UNC79: variants seen among roughly 807,000 people sequenced by gnomAD.
UNC79 encodes the protein unc-79 subunit of NALCN channel complex.
In UNC79, 37 loss-of-function variants were observed where a neutral mutation model predicts 283.1. The ratio of observed to expected loss-of-function variants is 0.13; its 90% CI spans 0.10 to 0.17. The LOEUF is 0.17. UNC79 is among the 10% of genes least tolerant of loss of function. UNC79 has a pLI of 1.00. For synonymous variants in UNC79, 1,107 were observed against 1,200.2 expected (o/e 0.92, Z 1.61); for missense variants, 2,272 against 3,211.1 (o/e 0.71, Z 7.07).
At chr14:93,354,565 G>T (rs893955652) in intron 1 of UNC79, among the ~76,000 whole-genome samples, 1 of 152,078 alleles carries the variant, frequency 6.6e-6, no homozygotes, top group African/African-American at 2.4e-5. Context: ...TGGTGCTATC[G>T]TGGCTTACTG....
chr14:93,668,766 C>T (rs2072491440), intron 40 of UNC79, among the ~76,000 whole-genome samples: 1 of 150,986 alleles, frequency 6.6e-6, no homozygotes, highest in African/African-American at 2.4e-5. Context: ...ATTGCTTAGC[C>T]CCAGGAGGTA....
In UNC79 at chr14:93,394,658, C is replaced by T. The variant is rs535234303; in HGVS notation, c.-351+61135C>T. Among the ~76,000 whole-genome samples the T allele has an allele frequency of 3.9e-5, 6 of 152,236 alleles. 1 individual carries two copies. The highest frequency in any genetic ancestry group is 1.4e-4 in the African/African-American group (6 of 41,534). On this transcript the variant is annotated intron_variant, in intron 1 of 49. Coordinates refer to the UNC79 transcript ENST00000256339. Reference sequence around the variant, plus strand: ...GCTCCTGACCATGATCCACCCTCCTCAGCCTCCCAAAGTGCTGGGATTACA... The same window carrying T: ...GCTCCTGACCATGATCCACCCTCCTTAGCCTCCCAAAGTGCTGGGATTACA...
In UNC79 at chr14:93,600,780, A is replaced by G; in HGVS notation, c.3574+10A>G. ...TTTCCTTTTCCTACAAGTAAGTAAAATGAAGAACTTGCTGTAAACCGTTGC... is the reference window on the plus strand; with the variant it reads ...TTTCCTTTTCCTACAAGTAAGTAAAGTGAAGAACTTGCTGTAAACCGTTGC... On this transcript the variant is annotated intron_variant, in intron 25 of 48. Transcript: ENST00000555664. 1 of 1,610,020 alleles carries G rather than the reference A, an allele frequency of 6.2e-7. No individual in the cohort carries two copies. The highest frequency in any genetic ancestry group is 1.7e-5 in the Admixed American group (1 of 59,904).
At chr14:93,513,361 A>T (rs1327287862) in intron 7 of UNC79, among the ~76,000 whole-genome samples, 3 of 151,850 alleles carry the variant, frequency 2.0e-5, no homozygotes, top group Non-Finnish European at 1.5e-5. Context: ...AGCTGGAACT[A>T]CAGGCATGAC....
intron 29 of UNC79, among the ~76,000 whole-genome samples, chr14:93,620,309 G>A (rs2067033938): frequency 2.0e-5 from 3 of 152,146 alleles, no homozygotes; most frequent in Admixed American, 2.0e-4. Context: ...ATGACAAGTG[G>A]CTTTTCTAAG....
At chr14:93,698,859 A>G (rs1444688579) in intron 47 of UNC79, among the ~76,000 whole-genome samples, 1 of 152,190 alleles carries the variant, frequency 6.6e-6, no homozygotes, top group African/African-American at 2.4e-5. Flanking sequence ...GTCAAGACTT[A>G]TCAAACTGGG....
rs536901802 is a variant in UNC79, at chr14:93,592,989, G to C, written c.3033-691G>C. ...CAGGCTGTCCCTGTGAGATGGGAAG[G>C]AGGGTCATTGGCAGTTGCAGGCTGA... On this transcript the variant is annotated intron_variant, in intron 22 of 48. Transcript: ENST00000555664. Among the ~76,000 whole-genome samples, 3 of 152,326 alleles carry C rather than the reference G, an allele frequency of 2.0e-5. No individual in the cohort carries two copies. The South Asian group carries it at 6.2e-4, about 32-fold the overall frequency.
At chr14:93,694,595 A>G (rs543488831) in intron 47 of UNC79, among the ~76,000 whole-genome samples, 183 bp downstream of exon 50, 4 of 152,296 alleles carry the variant, frequency 2.6e-5, no homozygotes, top group African/African-American at 7.2e-5. Context: ...TTGGTCTACC[A>G]CTGTGACCAA....
At chr14:93,418,439 G>T (rs1456561355) in intron 1 of UNC79, among the ~76,000 whole-genome samples, 2 of 151,774 alleles carry the variant, frequency 1.3e-5, no homozygotes, top group African/African-American at 4.8e-5. Flanking sequence ...ACTGGGGGGT[G>T]CCTCCCAGTT....
At position 93,370,186 on chromosome 14, in the gene UNC79, T is replaced by C. The variant is rs1445374979; in HGVS notation, c.-351+36663T>C. ...ACATTACAGGACATTCTAAAAGACA[T>C]AAAGAACGATTTGAAGAAACAGAGC... On this transcript the variant is annotated intron_variant, in intron 1 of 49. Transcript: ENST00000256339. Among the ~76,000 whole-genome samples the C allele has an allele frequency of 2.6e-5, 4 of 151,896 alleles. No individual in the cohort carries two copies. In the East Asian group the frequency reaches 7.7e-4, roughly 29 times the overall value.
chr14:93,632,928 G>A (rs1030028820), intron 31 of UNC79, among the ~76,000 whole-genome samples: 2 of 151,802 alleles, frequency 1.3e-5, no homozygotes, highest in East Asian at 1.9e-4. Context: ...AGCTCTTGGT[G>A]GTGTGTTCTT....
At chr14:93,633,530 C>T (rs1179407799) in intron 31 of UNC79, among the ~76,000 whole-genome samples, 1 of 152,140 alleles carries the variant, frequency 6.6e-6, no homozygotes, top group African/African-American at 2.4e-5. Flanking sequence ...TAGTTGATAG[C>T]TTCAGTTTCT....
chr14:93,378,479 AT>A (rs563912172), intron 1 of UNC79, among the ~76,000 whole-genome samples: 1 of 151,972 alleles, frequency 6.6e-6, no homozygotes, highest in South Asian at 2.1e-4. Context: ...AGTGTTTCAG[AT>A]TTTGTTTTTT....
At chr14:93,656,067 G>T (rs983984280) in intron 38 of UNC79, among the ~76,000 whole-genome samples, 5 of 152,186 alleles carry the variant, frequency 3.3e-5, no homozygotes, top group African/African-American at 1.2e-4. Flanking sequence ...ATAGCTTCTG[G>T]AAACAACACA....
At chr14:93,559,940 G>A (rs2062442756) in intron 14 of UNC79, among the ~76,000 whole-genome samples, 1 of 152,056 alleles carries the variant, frequency 6.6e-6, no homozygotes, top group Non-Finnish European at 1.5e-5. Context: ...GATAATGGGC[G>A]ATGTTTCTCA....
At chr14:93,470,723 C>T (rs906184354) in intron 2 of UNC79, among the ~76,000 whole-genome samples, 5 of 152,116 alleles carry the variant, frequency 3.3e-5, no homozygotes, top group African/African-American at 1.2e-4. Flanking sequence ...TTAGCAGATA[C>T]CTAAGTTTGG....
At chr14:93,371,221 C>G (rs1426448810) in intron 1 of UNC79, among the ~76,000 whole-genome samples, 1 of 151,748 alleles carries the variant, frequency 6.6e-6, no homozygotes, top group Non-Finnish European at 1.5e-5. Context: ...AACTCCATCT[C>G]TACTAAAAAT....
At chr14:93,630,334 T>G (rs1334912676) in intron 30 of UNC79, among the ~76,000 whole-genome samples, 3 of 152,190 alleles carry the variant, frequency 2.0e-5, no homozygotes, top group Non-Finnish European at 2.9e-5. Flanking sequence ...GTTTGTATAT[T>G]TTTGTGGAGA....
chr14:93,363,549 C>A (rs2054267615), intron 1 of UNC79, among the ~76,000 whole-genome samples: 1 of 152,084 alleles, frequency 6.6e-6, no homozygotes, highest in Non-Finnish European at 1.5e-5. Context: ...TTTGTTTAAT[C>A]CTATCAGTGA....
Sources: allele counts gnomAD v4.1 joint callset (sites outside exome capture counted in the v4.1 genomes callset), GRCh38; gene constraint gnomAD v4.1.1; transcripts MANE v1.5; gene names NCBI Gene and HGNC (gene_info 2026-07-23, HGNC 2026-07-21).